Variants in ANKS1B observed in about 807,000 individuals in gnomAD.
ANKS1B encodes the protein ankyrin repeat and sterile alpha motif domain-containing protein 1B.
In ANKS1B, 36 loss-of-function variants were observed where a neutral mutation model predicts 148.3. The ratio of observed to expected loss-of-function variants is 0.24; its 90% CI spans 0.19 to 0.32. The LOEUF (loss-of-function observed/expected upper bound fraction) is 0.32, where lower values mean the gene tolerates loss of function less well. Ranked by LOEUF, ANKS1B falls within the 10% of genes least tolerant of loss-of-function variation. The pLI, the probability that ANKS1B is intolerant of heterozygous loss-of-function variation, is 1.00. For synonymous variants in ANKS1B, 542 were observed against 560.8 expected (o/e 0.97, Z 0.47); for missense variants, 1,157 against 1,542.6 (o/e 0.75, Z 4.19).
At position 99,185,809 on chromosome 12, in the gene ANKS1B, G is replaced by T. The variant is rs577118204; in HGVS notation, c.2420-31414C>A. 3.9e-5 allele frequency among the ~76,000 whole-genome samples: 6 copies of T among 152,276 alleles called. No homozygotes were observed. In the South Asian group the frequency reaches 1.0e-3, roughly 26 times the overall value. On this transcript the variant is annotated intron_variant, in intron 14 of 26. Coordinates refer to ENST00000683438, the MANE Select transcript of ANKS1B (RefSeq NM_001352186.2). ...GGCCCTGGGTTTCAAGCATAAAATTGGGCGGCCATTTGGGCAGACACCGAG... is the reference window on the plus strand; with the variant it reads ...GGCCCTGGGTTTCAAGCATAAAATTTGGCGGCCATTTGGGCAGACACCGAG...
intron 17 of ANKS1B, among the ~76,000 whole-genome samples, chr12:99,018,535 T>G (rs1041697423): frequency 1.3e-5 from 2 of 152,226 alleles, no homozygotes; most frequent in Non-Finnish European, 2.9e-5. Flanking sequence ...CAAAGTAATA[T>G]TCTATGGACT....
chr12:99,351,558 A>G (rs2091424441), intron 12 of ANKS1B, among the ~76,000 whole-genome samples: 2 of 152,050 alleles, frequency 1.3e-5, no homozygotes, highest in Admixed American at 6.6e-5. Flanking sequence ...ATGTAAGCAT[A>G]GATAAATTAG....
Position 98,736,168 on chromosome 12 carries a change from G to A in ANKS1B, c.691-534C>T, listed in dbSNP as rs114518953. Reference sequence around the variant, plus strand: ...GCCAGTGTAGGAGTTTTGAGCAGTGGTCTGATTTAAGCTTTAACGAATCAC... The same window carrying A: ...GCCAGTGTAGGAGTTTTGAGCAGTGATCTGATTTAAGCTTTAACGAATCAC... On this transcript the variant is annotated intron_variant, in intron 9 of 9. Coordinates refer to the ANKS1B transcript ENST00000341752. 1.9e-3 allele frequency among the ~76,000 whole-genome samples: 292 copies of A among 152,316 alleles called. 2 individuals are homozygous for A. The highest frequency in any genetic ancestry group is 6.7e-3 in the African/African-American group (279 of 41,562).
chr12:99,159,632 G>C (rs952832047), intron 14 of ANKS1B, among the ~76,000 whole-genome samples: 3 of 151,988 alleles, frequency 2.0e-5, no homozygotes, highest in Non-Finnish European at 4.4e-5. Context: ...ATTCACCATT[G>C]ATGAGTACTC....
At chr12:99,926,372 C>G (rs1188047981) in intron 1 of ANKS1B, among the ~76,000 whole-genome samples, 2 of 152,130 alleles carry the variant, frequency 1.3e-5, no homozygotes, top group African/African-American at 4.8e-5. Context: ...AGCAGGCTGC[C>G]CTCCCTAACA....
At chr12:99,382,717 AAGAGAGAG>A (rs35016409) in intron 12 of ANKS1B, among the ~76,000 whole-genome samples, 2,872 of 113,142 alleles carry the variant, frequency 0.025, 151 homozygotes, top group African/African-American at 0.098. Flanking sequence ...AAAAAAAAAA[AAGAGAGAG>A]AGAGAGAGAG....
intron 17 of ANKS1B, among the ~76,000 whole-genome samples, chr12:98,846,019 T>TAC (rs201465756): frequency 3.5e-5 from 3 of 86,428 alleles, no homozygotes; most frequent in African/African-American, 1.1e-4. Context: ...TATGTACACA[T>TAC]ACACACATAT....
Position 99,050,690 on chromosome 12 carries a change from CTTTTTTTTT to C in ANKS1B, c.2778+2458_2778+2466del, listed in dbSNP as rs62812561. On this transcript the variant is annotated intron_variant, in intron 17 of 26. Transcript: ENST00000683438. ...AGACCAGTTTTCTTTTTTTCTTTTT[CTTTTTTTTT>C]TTTTTTTTTTGAGACAGAGTCTTGC... is the stretch of plus-strand genomic sequence containing the variant. 4.4e-5 allele frequency among the ~76,000 whole-genome samples: 5 copies of C among 113,590 alleles called. No homozygotes were observed. In the East Asian group the frequency reaches 7.9e-4, roughly 18 times the overall value. 74.5% of individuals were successfully genotyped at this position (113,590 alleles called of 152,430 possible).
intron 2 of ANKS1B, among the ~76,000 whole-genome samples, chr12:99,822,329 CAT>C (rs1254489504): frequency 6.6e-6 from 1 of 152,128 alleles, no homozygotes; most frequent in Non-Finnish European, 1.5e-5. Context: ...TCAGGGGACA[CAT>C]GTGCAACTTT....
intron 3 of ANKS1B, among the ~76,000 whole-genome samples, chr12:99,810,511 T>C (rs2068213734): frequency 6.6e-6 from 1 of 151,874 alleles, no homozygotes; most frequent in Non-Finnish European, 1.5e-5. Flanking sequence ...CAAAAGAGTA[T>C]ACATATAACA....
At chr12:99,808,231 A>T (rs2067884905) in intron 3 of ANKS1B, among the ~76,000 whole-genome samples, 1 of 152,094 alleles carries the variant, frequency 6.6e-6, no homozygotes, top group Non-Finnish European at 1.5e-5. Context: ...AAGTGTTCAG[A>T]CCCAAACAAA....
intron 14 of ANKS1B, among the ~76,000 whole-genome samples, chr12:99,205,404 A>G (rs2153903049): frequency 6.6e-6 from 1 of 152,288 alleles, no homozygotes; most frequent in Admixed American, 6.5e-5. Flanking sequence ...ACTGCAAATA[A>G]AAGCTTATTA....
At chr12:98,991,772 G>C (rs1297297467) in intron 17 of ANKS1B, among the ~76,000 whole-genome samples, 2 of 152,160 alleles carry the variant, frequency 1.3e-5, no homozygotes, top group Non-Finnish European at 2.9e-5. Context: ...ACCAATATTA[G>C]ATTCTAGGCA....
intron 8 of ANKS1B, among the ~76,000 whole-genome samples, chr12:99,763,528 G>C (rs1288261597): frequency 6.6e-6 from 1 of 151,994 alleles, no homozygotes; most frequent in Non-Finnish European, 1.5e-5. Context: ...AGGAGAGTAA[G>C]GATCAAAAAG....
At chr12:99,203,739 C>T (rs1459201795) in intron 14 of ANKS1B, among the ~76,000 whole-genome samples, 4 of 152,246 alleles carry the variant, frequency 2.6e-5, no homozygotes, top group African/African-American at 4.8e-5. Flanking sequence ...GCGTGAGCCA[C>T]TGCACCCGGC....
At chr12:99,847,377 A>G (rs1238677364) in intron 1 of ANKS1B, among the ~76,000 whole-genome samples, 1 of 152,180 alleles carries the variant, frequency 6.6e-6, no homozygotes, top group Non-Finnish European at 1.5e-5. Flanking sequence ...CATATAAACT[A>G]GAAATATTAC....
intron 11 of ANKS1B, among the ~76,000 whole-genome samples, chr12:99,408,132 T>G (rs2152651060): frequency 6.8e-6 from 1 of 146,060 alleles, no homozygotes; most frequent in South Asian, 2.1e-4. Context: ...AACAGCATGG[T>G]TCTGGCATAG....
intron 14 of ANKS1B, among the ~76,000 whole-genome samples, chr12:99,174,715 A>G (rs1346390413): frequency 6.6e-6 from 1 of 152,212 alleles, no homozygotes. Context: ...TTGAGAATCC[A>G]GAATCAAGCT....
At chr12:99,081,968 C>T (rs2049943519) in intron 16 of ANKS1B, among the ~76,000 whole-genome samples, 1 of 152,114 alleles carries the variant, frequency 6.6e-6, no homozygotes, top group Admixed American at 6.6e-5. Flanking sequence ...TCTCTGCCCT[C>T]AGGATGTTTA....
Sources: gnomAD v4.1 joint callset for allele counts (sites outside exome capture counted in the v4.1 genomes callset) on GRCh38, gnomAD v4.1.1 for gene constraint, MANE v1.5 for transcripts, NCBI Gene and HGNC (gene_info 2026-07-23, HGNC 2026-07-21) for gene names.